The following EPS15 variants were observed in gnomAD, a reference collection of about 807,000 sequenced individuals.
EPS15 encodes epidermal growth factor receptor substrate 15.
Under a neutral mutation model 113.8 loss-of-function variants are expected in EPS15, and 72 were observed. That is an observed-to-expected ratio of 0.63 (90% CI 0.52 to 0.77). EPS15 has a LOEUF of 0.77. EPS15 is among the 30% of genes least tolerant of loss of function. The pLI, the probability that EPS15 is intolerant of heterozygous loss-of-function variation, is 0.00. For synonymous variants in EPS15, 344 were observed against 363.4 expected, an observed-to-expected ratio of 0.95 and a Z score of 0.61; for missense variants, 1,048 against 1,045.8, an observed-to-expected ratio of 1.00 and a Z score of -0.03.
chr1:51,486,408 A>G (rs1302437817), intron 1 of EPS15, among the ~76,000 whole-genome samples: 4 of 139,022 alleles, frequency 2.9e-5, no homozygotes, highest in Non-Finnish European at 6.2e-5. Flanking sequence ...CTGGGCTACA[A>G]GAGCGAGACT....
intron 1 of EPS15, among the ~76,000 whole-genome samples, chr1:51,486,425 C>CA (rs35588668): frequency 8.3e-5 from 7 of 84,760 alleles, no homozygotes; most frequent in African/African-American, 2.9e-4. Flanking sequence ...GACTGCATCT[C>CA]AAAAAAAAAA....
At chr1:51,507,824 T>C (rs1196232666) in intron 1 of EPS15, among the ~76,000 whole-genome samples, 1 of 152,154 alleles carries the variant, frequency 6.6e-6, no homozygotes, top group Non-Finnish European at 1.5e-5. Flanking sequence ...GTGATCTATC[T>C]TCTACTTTTC....
intron 8 of EPS15, 86 bp downstream of exon 8, chr1:51,461,005 T>C: frequency 4.6e-6 from 4 of 874,174 alleles, no homozygotes; most frequent in Non-Finnish European, 7.6e-6. Flanking sequence ...AATATAGTTT[T>C]CCTCTAAGGA....
At chr1:51,491,269 T>C (rs543429083) in intron 1 of EPS15, among the ~76,000 whole-genome samples, 125 of 152,132 alleles carry the variant, frequency 8.2e-4, no homozygotes, top group Non-Finnish European at 1.6e-3. Flanking sequence ...AATTCCACCT[T>C]CTATTACTCC....
At chr1:51,508,290 A>G (rs12135206) in intron 1 of EPS15, among the ~76,000 whole-genome samples, 4,304 of 133,994 alleles carry the variant, frequency 0.032, 111 homozygotes, top group Admixed American at 0.052. Flanking sequence ...GAAAGAGAGA[A>G]AGAGAGAGAG....
chr1:51,517,708 AACC>A (rs1158602047), intron 1 of EPS15, among the ~76,000 whole-genome samples: 1 of 152,060 alleles, frequency 6.6e-6, no homozygotes, highest in East Asian at 1.9e-4. Flanking sequence ...ACCAAGACTA[AACC>A]ACCACATTCC....
In EPS15 at chr1:51,440,239, T is replaced by G; in HGVS notation, c.1040+108A>C. 9.2e-6 allele frequency: 4 copies of G among 434,500 alleles called. No homozygotes were observed. In the Admixed American group the frequency reaches 1.1e-4, roughly 12 times the overall value. 26.9% of individuals were successfully genotyped at this position (434,500 alleles called of 1,614,324 possible). A position where few individuals can be genotyped will look rare whatever the true frequency, so the allele number is the denominator to read the frequency against. ...AAAATATACATTAGAAACAGAAAGG[T>G]GTGTGTGGGGAGGAAGTTGTATACA... On this transcript the variant is annotated intron_variant, in intron 12 of 24. Coordinates refer to ENST00000371733, the MANE Select transcript of EPS15 (RefSeq NM_001981.3).
At chr1:51,491,953 A>G (rs938224190) in intron 1 of EPS15, among the ~76,000 whole-genome samples, 2 of 141,282 alleles carry the variant, frequency 1.4e-5, no homozygotes, top group African/African-American at 5.4e-5. Context: ...CGCAGCCTCC[A>G]CCTCCGGGGC....
intron 13 of EPS15, among the ~76,000 whole-genome samples, chr1:51,417,576 C>A (rs540043655): frequency 6.6e-6 from 1 of 152,304 alleles, no homozygotes; most frequent in Admixed American, 6.5e-5. Flanking sequence ...GCTAACACTA[C>A]CAGGTAACAT....
At chr1:51,433,968 TCTAA>T (rs1039910514) in intron 12 of EPS15, among the ~76,000 whole-genome samples, 1 of 152,224 alleles carries the variant, frequency 6.6e-6, no homozygotes, top group African/African-American at 2.4e-5. Flanking sequence ...CAAGAACTTC[TCTAA>T]CTGAGGCATT....
At chr1:51,460,043 T>C (rs1035989036) in intron 8 of EPS15, among the ~76,000 whole-genome samples, 1 of 152,182 alleles carries the variant, frequency 6.6e-6, no homozygotes, top group Non-Finnish European at 1.5e-5. Flanking sequence ...ATTCAAAAGA[T>C]GGTTCTTCTA....
At chr1:51,440,195 A>G in intron 12 of EPS15, 152 bp downstream of exon 12, 2 of 401,782 alleles carry the variant, frequency 5.0e-6, no homozygotes, top group East Asian at 3.6e-5. Context: ...ACTTAACCAA[A>G]TATTAGGTAG....
intron 1 of EPS15, among the ~76,000 whole-genome samples, chr1:51,495,332 G>A (rs1269596462): frequency 6.6e-6 from 1 of 150,878 alleles, no homozygotes; most frequent in Non-Finnish European, 1.5e-5. Context: ...GACAAAGTGA[G>A]TTTTATTTAT....
intron 1 of EPS15, among the ~76,000 whole-genome samples, chr1:51,498,507 T>A (rs1189795798): frequency 6.6e-6 from 1 of 152,192 alleles, no homozygotes; most frequent in Admixed American, 6.6e-5. Flanking sequence ...TTGTATTAGA[T>A]GATTTTGCCC....
At chr1:51,500,282 C>T (rs1318410220) in intron 1 of EPS15, among the ~76,000 whole-genome samples, 1 of 152,138 alleles carries the variant, frequency 6.6e-6, no homozygotes, top group Non-Finnish European at 1.5e-5. Flanking sequence ...CAAGTCACTG[C>T]TTTCAATTCT....
chr1:51,421,413 T>TTGA (rs3991374), intron 13 of EPS15, among the ~76,000 whole-genome samples: 1,776 of 151,922 alleles, frequency 0.012, 36 homozygotes, highest in African/African-American at 0.041. Flanking sequence ...ATACTGGTTT[T>TTGA]TGATGATGAT....
intron 21 of EPS15, among the ~76,000 whole-genome samples, chr1:51,366,936 GGACA>G (rs1459870171): frequency 5.3e-5 from 8 of 152,024 alleles, no homozygotes; most frequent in African/African-American, 1.9e-4. Flanking sequence ...TCCAAAGAAT[GGACA>G]GTCAACAAAC....
At chr1:51,392,673 A>C (rs937798784) in intron 21 of EPS15, among the ~76,000 whole-genome samples, 2 of 152,186 alleles carry the variant, frequency 1.3e-5, no homozygotes, top group Non-Finnish European at 2.9e-5. Flanking sequence ...TTTTTGCTCC[A>C]CATAATCTCT....
intron 1 of EPS15, among the ~76,000 whole-genome samples, chr1:51,491,061 G>T (rs963042240): frequency 6.6e-6 from 1 of 152,190 alleles, no homozygotes; most frequent in Non-Finnish European, 1.5e-5. Flanking sequence ...AAATCAGGCA[G>T]TAAGAACACT....
Sources: allele counts gnomAD v4.1 joint callset (sites outside exome capture counted in the v4.1 genomes callset), GRCh38; gene constraint gnomAD v4.1.1; transcripts MANE v1.5; gene names NCBI Gene and HGNC (gene_info 2026-07-23, HGNC 2026-07-21).